The following ZNF521 variants were observed in gnomAD, a reference collection of about 807,000 sequenced individuals.
ZNF521 encodes LYST-interacting protein 3.
ZNF521 carries 14 observed loss-of-function variants against 105.5 expected under a neutral mutation model. The observed-to-expected ratio is 0.13, with a 90% confidence interval of 0.09 to 0.21. ZNF521 has a LOEUF of 0.21. Ranked by LOEUF, ZNF521 falls within the 10% of genes least tolerant of loss-of-function variation. The pLI is 1.00. For missense variants in ZNF521, 1,233 were observed against 1,629.7 expected, an observed-to-expected ratio of 0.76 and a Z score of 4.19; for synonymous variants, 635 against 606.0, an observed-to-expected ratio of 1.05 and a Z score of -0.70.
chr18:25,161,294 G>A (rs1322214950), intron 5 of ZNF521, among the ~76,000 whole-genome samples: 2 of 152,112 alleles, frequency 1.3e-5, no homozygotes, highest in Non-Finnish European at 2.9e-5. Flanking sequence ...CCTTCAACAT[G>A]AAGGATTTTA....
chr18:25,254,112 T>G (rs539864142), intron 3 of ZNF521, among the ~76,000 whole-genome samples: 1 of 152,242 alleles, frequency 6.6e-6, no homozygotes, highest in Non-Finnish European at 1.5e-5. Flanking sequence ...AGTCCTAAAA[T>G]AGTAATGAAG....
intron 5 of ZNF521, among the ~76,000 whole-genome samples, chr18:25,152,016 C>T (rs569497258): frequency 6.1e-4 from 93 of 152,264 alleles, no homozygotes; most frequent in Non-Finnish European, 4.1e-4. Flanking sequence ...TAGCATTCCA[C>T]TGCCTACACA....
intron 3 of ZNF521, among the ~76,000 whole-genome samples, chr18:25,229,753 T>G (rs1218536520): frequency 6.6e-6 from 1 of 152,194 alleles, no homozygotes; most frequent in Non-Finnish European, 1.5e-5. Context: ...ATCCTGCTAT[T>G]TCATTTAAAA....
At chr18:25,276,669 T>C (rs1910050678) in intron 3 of ZNF521, among the ~76,000 whole-genome samples, 1 of 152,192 alleles carries the variant, frequency 6.6e-6, no homozygotes, top group Admixed American at 6.5e-5. Flanking sequence ...ACCTGTACTT[T>C]AAGACACATC....
intron 5 of ZNF521, among the ~76,000 whole-genome samples, chr18:25,129,533 A>T (rs984654239): frequency 5.3e-5 from 8 of 152,020 alleles, no homozygotes; most frequent in Non-Finnish European, 1.0e-4. Flanking sequence ...CAATATTAGG[A>T]GATTGAAAAG....
At chr18:25,101,498 T>C (rs1302834474) in intron 5 of ZNF521, among the ~76,000 whole-genome samples, 1 of 152,060 alleles carries the variant, frequency 6.6e-6, no homozygotes, top group Non-Finnish European at 1.5e-5. Context: ...TGATTTAAAA[T>C]GAAATGTGCA....
At chr18:25,195,555 T>C (rs772704638) in intron 4 of ZNF521, among the ~76,000 whole-genome samples, 27 of 133,442 alleles carry the variant, frequency 2.0e-4, no homozygotes, top group Non-Finnish European at 4.2e-4. Flanking sequence ...AAATACAGTT[T>C]AAAAAAACAT....
intron 5 of ZNF521, among the ~76,000 whole-genome samples, chr18:25,128,722 A>G (rs747965114): frequency 3.3e-5 from 5 of 152,016 alleles, no homozygotes; most frequent in Non-Finnish European, 5.9e-5. Context: ...AAAAATTTAA[A>G]TACCTACGTA....
chr18:25,336,956 G>A (rs962459795), intron 2 of ZNF521, among the ~76,000 whole-genome samples: 2 of 152,122 alleles, frequency 1.3e-5, no homozygotes, highest in African/African-American at 4.8e-5. Flanking sequence ...TTTGAATTAG[G>A]TACTAGTAGG....
At chr18:25,349,239 G>A (rs1274990940) in intron 2 of ZNF521, among the ~76,000 whole-genome samples, 2 of 152,140 alleles carry the variant, frequency 1.3e-5, no homozygotes, top group Non-Finnish European at 2.9e-5. Flanking sequence ...TTTCAAGAAA[G>A]CCGGGGTCTC....
intron 3 of ZNF521, among the ~76,000 whole-genome samples, chr18:25,306,070 G>A (rs545705517): frequency 2.0e-5 from 3 of 152,282 alleles, no homozygotes; most frequent in African/African-American, 7.2e-5. Flanking sequence ...TCAGCCATTT[G>A]CCAGAACCCA....
chr18:25,170,258 T>C (rs891382680), intron 5 of ZNF521, among the ~76,000 whole-genome samples: 1 of 152,076 alleles, frequency 6.6e-6, no homozygotes, highest in Non-Finnish European at 1.5e-5. Context: ...ACCTGAAATG[T>C]CAGAAATAAT....
chr18:25,080,545 T>G (rs567188861), intron 7 of ZNF521, among the ~76,000 whole-genome samples: 1 of 152,320 alleles, frequency 6.6e-6, no homozygotes, highest in African/African-American at 2.4e-5. Context: ...CTGCCCGGCC[T>G]TAGCAAACTC....
chr18:25,178,521 C>A (rs779603719), intron 5 of ZNF521, among the ~76,000 whole-genome samples: 1 of 152,280 alleles, frequency 6.6e-6, no homozygotes, highest in African/African-American at 2.4e-5. Flanking sequence ...ATACTCAGGA[C>A]GATTTACCCT....
chr18:25,163,691 A>G (rs2035288571), intron 5 of ZNF521, among the ~76,000 whole-genome samples: 2 of 152,224 alleles, frequency 1.3e-5, no homozygotes, highest in South Asian at 4.1e-4. Flanking sequence ...ACACATACAC[A>G]TACGTTCCTG....
At chr18:25,133,444 T>G (rs2144403387) in intron 5 of ZNF521, among the ~76,000 whole-genome samples, 1 of 152,300 alleles carries the variant, frequency 6.6e-6, no homozygotes, top group Non-Finnish European at 1.5e-5. Context: ...AATCTGTGAC[T>G]ATTTCCTTAG....
At position 25,164,011 on chromosome 18, in the gene ZNF521, G is replaced by A. The variant is rs188128594; in HGVS notation, c.3658+31149C>T. Among the ~76,000 whole-genome samples, 107 of 152,188 alleles carry A rather than the reference G, an allele frequency of 7.0e-4. No individual in the cohort carries two copies. In the Middle Eastern group the frequency reaches 0.01, roughly 15 times the overall value. Reference sequence around the variant, plus strand: ...AATGCCTGAGCAGCTGAAATCATTTGGTACTCTCAATCCCCCAGGTAAAAT... The same window carrying A: ...AATGCCTGAGCAGCTGAAATCATTTAGTACTCTCAATCCCCCAGGTAAAAT... On this transcript the variant is annotated intron_variant, in intron 5 of 7. Transcript: ENST00000361524.
chr18:25,322,145 G>A lies in ZNF521; in HGVS notation c.83C>T (p.Ala28Val). Residue 28 changes from alanine to valine, a missense_variant, in exon 3 of 8, where the codon GCA becomes GTA. Ala to Val is a moderately conservative substitution (Grantham distance 64). Around this residue, in one of 6 missense-constraint regions of ZNF521, gnomAD observed 76 missense variants for 79.3 expected, o/e 0.96. Transcript: ENST00000361524. The stretch of plus-strand genomic sequence containing the variant: ...TTCCGGCCTCTTCTTACAATCTAGT[G>A]CCTCTCCATCTTCAGTCTTGTCTTC... ...KLEDKTEDGE[A>V]LDCKKRPEDG... The A allele has an allele frequency of 1.2e-6, 2 of 1,614,130 alleles. No homozygotes were observed. Among genetic ancestry groups the A allele is most frequent in the Non-Finnish European group, 1.7e-6 (2 of 1,180,020 alleles).
At chr18:25,087,084 T>C (rs1044849773) in intron 7 of ZNF521, among the ~76,000 whole-genome samples, 4 of 152,208 alleles carry the variant, frequency 2.6e-5, no homozygotes, top group African/African-American at 9.6e-5. Context: ...TAATAGAATA[T>C]GTGCTTGTAT....
Sources: allele counts gnomAD v4.1 joint callset (sites outside exome capture counted in the v4.1 genomes callset), GRCh38; gene constraint gnomAD v4.1.1; regional missense constraint gnomAD v4.1.1; transcripts MANE v1.5; gene names NCBI Gene and HGNC (gene_info 2026-07-23, HGNC 2026-07-21).